The following RAPGEF1 variants were observed in gnomAD, a reference collection of about 807,000 sequenced individuals.
RAPGEF1 encodes Rap guanine nucleotide exchange factor 1.
RAPGEF1 carries 33 observed loss-of-function variants against 143.3 expected under a neutral mutation model. The observed-to-expected ratio is 0.23, with a 90% CI of 0.17 to 0.31. The LOEUF is 0.31. Ranked by LOEUF, RAPGEF1 falls within the 10% of genes least tolerant of loss-of-function variation. The pLI is 1.00. For synonymous variants in RAPGEF1, 629 were observed against 676.5 expected, an observed-to-expected ratio of 0.93 and a Z score of 1.09; for missense variants, 1,199 against 1,645.4, an observed-to-expected ratio of 0.73 and a Z score of 4.69.
intron 1 of RAPGEF1, among the ~76,000 whole-genome samples, chr9:131,736,628 T>A (rs1837433357): frequency 2.0e-5 from 3 of 152,152 alleles, no homozygotes; most frequent in Admixed American, 2.0e-4. Context: ...CAAGGAGGTA[T>A]CAGGCAATGC....
In RAPGEF1 at chr9:131,628,014, G is replaced by A; in HGVS notation, c.1100C>T (p.Pro367Leu). Residue 367 changes from proline to leucine, a missense_variant, in exon 9 of 27, where the codon CCC (proline) becomes CTC (leucine). Around this residue, in one of 6 missense-constraint regions of RAPGEF1, gnomAD observed 613 missense variants for 710.9 expected, o/e 0.86. Transcript: ENST00000683357. The surrounding 1 kb of genome is among the most constrained non-coding windows in gnomAD (Gnocchi z 5.7). ...GCTGAGCTTGCCTATGCTGCTGCAG[G>A]GGGAGAGGCGGGGCGACTCTCCACC... is the stretch of plus-strand genomic sequence containing the variant. ...SYGGESPRLSPCSSIGKLSKS... is the reference protein window; with the variant it reads ...SYGGESPRLSLCSSIGKLSKS... The A allele has an allele frequency of 2.6e-6, 4 of 1,564,124 alleles. No homozygotes were observed. The highest frequency in any genetic ancestry group is 3.5e-6 in the Non-Finnish European group (4 of 1,154,520).
intron 1 of RAPGEF1, among the ~76,000 whole-genome samples, chr9:131,687,357 A>AT (rs1218605633): frequency 2.0e-5 from 3 of 150,710 alleles, no homozygotes; most frequent in East Asian, 1.9e-4. Flanking sequence ...CCCCTGGATA[A>AT]TTTTTTTTTG....
chr9:131,697,162 T>C (rs1252350116), intron 1 of RAPGEF1, among the ~76,000 whole-genome samples: 1 of 151,526 alleles, frequency 6.6e-6, no homozygotes, highest in Non-Finnish European at 1.5e-5. Context: ...ACAGCAGCCC[T>C]CTGCTGGCCC....
At chr9:131,617,720 TA>T (rs1384922437) in intron 12 of RAPGEF1, among the ~76,000 whole-genome samples, 1 of 152,232 alleles carries the variant, frequency 6.6e-6, no homozygotes, top group African/African-American at 2.4e-5. Context: ...TAATTTTACT[TA>T]ATTTTCACAC....
In RAPGEF1 at chr9:131,629,860, C is replaced by T. The variant is rs1482801690; in HGVS notation, c.740+376G>A. On this transcript the variant is annotated intron_variant, in intron 6 of 26. Coordinates refer to ENST00000683357, the MANE Select transcript of RAPGEF1 (RefSeq NM_001377935.1). ...AGCTTGGAGTAGAGATGAATATAAA[C>T]CTTTACAACCATCCATGTCATCCTC... 6.6e-5 allele frequency among the ~76,000 whole-genome samples: 10 copies of T among 152,102 alleles called. No homozygotes were observed. In the East Asian group the frequency reaches 1.9e-3, roughly 29 times the overall value.
At position 131,584,697 on chromosome 9, in the gene RAPGEF1, G is replaced by A; in HGVS notation, c.3234-101C>T. ...GACCTGTACGACCCCCATGCCAGTG[G>A]CCACGAGCCCACCCCTACTGAATAC... is the stretch of plus-strand genomic sequence containing the variant. On this transcript the variant is annotated intron_variant, in intron 22 of 26. Coordinates refer to ENST00000683357, the MANE Select transcript of RAPGEF1 (RefSeq NM_001377935.1). This position sits in a 1 kb window ranked among gnomAD's most constrained non-coding sequence, Gnocchi z 6.8. 1 of 1,145,114 alleles carries A rather than the reference G, an allele frequency of 8.7e-7. No homozygotes were observed. The highest frequency in any genetic ancestry group is 1.3e-6 in the Non-Finnish European group (1 of 768,050). 70.9% of individuals were successfully genotyped at this position (1,145,114 alleles called of 1,614,324 possible). A position where few individuals can be genotyped will look rare whatever the true frequency, so the allele number is the denominator to read the frequency against.
chr9:131,710,957 C>G (rs974406962), intron 1 of RAPGEF1, among the ~76,000 whole-genome samples: 1 of 152,124 alleles, frequency 6.6e-6, no homozygotes, highest in South Asian at 2.1e-4. Flanking sequence ...TCCAGTCTCA[C>G]CTCCTCAGCT....
At chr9:131,645,195 T>C (rs774155862) in intron 3 of RAPGEF1, among the ~76,000 whole-genome samples, 132 of 152,246 alleles carry the variant, frequency 8.7e-4, no homozygotes, top group Non-Finnish European at 1.4e-3. Context: ...AACCTGAGTG[T>C]GAAGGAGTCG....
intron 1 of RAPGEF1, among the ~76,000 whole-genome samples, chr9:131,666,509 C>A (rs1056620043): frequency 1.3e-5 from 2 of 152,066 alleles, no homozygotes; most frequent in Non-Finnish European, 2.9e-5. Context: ...GCCTTAGCCT[C>A]CTGAGTAGCG....
chr9:131,631,692 C>T (rs1588611435), intron 5 of RAPGEF1, among the ~76,000 whole-genome samples: 1 of 152,178 alleles, frequency 6.6e-6, no homozygotes, highest in African/African-American at 2.4e-5. Context: ...AAGCACCACA[C>T]ACAAAAAAGG....
intron 1 of RAPGEF1, among the ~76,000 whole-genome samples, chr9:131,679,475 A>C (rs971446411): frequency 2.0e-5 from 3 of 152,242 alleles, no homozygotes; most frequent in African/African-American, 7.2e-5. Context: ...TTCCCATCCT[A>C]AAGTGATCTG....
At chr9:131,654,720 C>T (rs55674545) in intron 1 of RAPGEF1, among the ~76,000 whole-genome samples, 37,683 of 152,116 alleles carry the variant, frequency 0.25, 5,124 homozygotes, top group Non-Finnish European at 0.31. Flanking sequence ...GACAAGTTCC[C>T]TGAGGACTGT....
At chr9:131,625,589 T>C (rs1343731281) in intron 10 of RAPGEF1, among the ~76,000 whole-genome samples, 1 of 152,190 alleles carries the variant, frequency 6.6e-6, no homozygotes, top group Non-Finnish European at 1.5e-5. Context: ...TGCAATGCTG[T>C]CCTGCGTGCC....
At chr9:131,663,318 T>C (rs747825549) in intron 1 of RAPGEF1, among the ~76,000 whole-genome samples, 2 of 152,198 alleles carry the variant, frequency 1.3e-5, no homozygotes, top group African/African-American at 4.8e-5. Context: ...CTCTAAATAC[T>C]ACCAGCTGTC....
At chr9:131,662,556 T>TG (rs1293306126) in intron 1 of RAPGEF1, among the ~76,000 whole-genome samples, 2 of 151,416 alleles carry the variant, frequency 1.3e-5, no homozygotes, top group Admixed American at 1.3e-4. Flanking sequence ...ATTTTGTTTT[T>TG]TTTTTTTTTG....
intron 1 of RAPGEF1, among the ~76,000 whole-genome samples, chr9:131,739,370 C>A (rs1026977797): frequency 3.9e-5 from 6 of 152,232 alleles, no homozygotes; most frequent in African/African-American, 1.4e-4. Context: ...CATTTTACAG[C>A]TCAGCTGGGT....
intron 16 of RAPGEF1, among the ~76,000 whole-genome samples, chr9:131,597,188 A>G (rs1432227221): frequency 1.3e-5 from 2 of 151,808 alleles, no homozygotes; most frequent in African/African-American, 4.8e-5. Context: ...TGCGGTACAC[A>G]CTCCGGGACT....
rs545113635 is a variant in RAPGEF1, at chr9:131,702,665, T to C, written c.61+37105A>G. The stretch of plus-strand genomic sequence containing the variant: ...CAACAAGGCAAGATCCTTAAAGCTA[T>C]TTCTATGTTCCTGGCTTGGGAACTT... On this transcript the variant is annotated intron_variant, in intron 1 of 26. Coordinates refer to ENST00000683357, the MANE Select transcript of RAPGEF1 (RefSeq NM_001377935.1). Among the ~76,000 whole-genome samples the C allele has an allele frequency of 1.1e-4, 17 of 152,324 alleles. No individual in the cohort carries two copies. The South Asian group carries it at 1.7e-3, about 15-fold the overall frequency.
At chr9:131,725,953 G>T (rs1376983776) in intron 1 of RAPGEF1, among the ~76,000 whole-genome samples, 3 of 151,724 alleles carry the variant, frequency 2.0e-5, no homozygotes, top group African/African-American at 7.3e-5. Flanking sequence ...TAGAGACGGG[G>T]TTTCACCATG....
Sources: allele counts gnomAD v4.1 joint callset (sites outside exome capture counted in the v4.1 genomes callset), GRCh38; gene constraint gnomAD v4.1.1; regional missense constraint gnomAD v4.1.1; non-coding constraint Gnocchi (gnomAD v3.1); transcripts MANE v1.5; gene names NCBI Gene and HGNC (gene_info 2026-07-23, HGNC 2026-07-21).